Variants in CFAP77 observed in about 807,000 individuals in gnomAD.
The protein encoded by CFAP77 is cilia and flagella associated protein 77.
CFAP77 carries 25 observed loss-of-function variants against 31.1 expected under a neutral mutation model. The ratio of observed to expected loss-of-function variants is 0.80; its 90% CI spans 0.59 to 1.12. The LOEUF is 1.12. Ranked by LOEUF, CFAP77 falls within the 50% of genes most tolerant of loss-of-function variation. The probability of loss-of-function intolerance (pLI) is 0.00; values close to 1 mark genes in which losing one functional copy is unlikely to be tolerated. For missense variants in CFAP77, 377 were observed against 397.3 expected (o/e 0.95, Z 0.44); for synonymous variants, 151 against 159.9 (o/e 0.94, Z 0.42).
At chr9:132,434,032 G>C (rs1850462229) in intron 1 of CFAP77, among the ~76,000 whole-genome samples, 1 of 151,664 alleles carries the variant, frequency 6.6e-6, no homozygotes, top group Non-Finnish European at 1.5e-5. Context: ...CCAGCTACTT[G>C]GGAGGCTCAG....
At chr9:132,550,067 T>C (rs1377969185) in intron 5 of CFAP77, among the ~76,000 whole-genome samples, 1 of 152,144 alleles carries the variant, frequency 6.6e-6, no homozygotes, top group Admixed American at 6.5e-5. Flanking sequence ...AGAGCAGCAC[T>C]CAGAGTCTGG....
chr9:132,470,434 C>T (rs1851235538), intron 1 of CFAP77, among the ~76,000 whole-genome samples: 1 of 151,994 alleles, frequency 6.6e-6, no homozygotes, highest in African/African-American at 2.4e-5. Context: ...AGTCCTCAGC[C>T]CTAAGTGGCT....
intron 1 of CFAP77, among the ~76,000 whole-genome samples, chr9:132,470,763 C>T (rs1195007079): frequency 6.6e-6 from 1 of 152,208 alleles, no homozygotes; most frequent in East Asian, 1.9e-4. Flanking sequence ...AATCCCAGCA[C>T]TTTGGGATGC....
intron 1 of CFAP77, among the ~76,000 whole-genome samples, chr9:132,447,884 A>G (rs1177772794): frequency 6.6e-6 from 1 of 152,162 alleles, no homozygotes; most frequent in Non-Finnish European, 1.5e-5. Context: ...TGGAGGAAAG[A>G]CCTACTTAGG....
At chr9:132,486,969 C>CCAGGCAGGCGGCAGAGCG (rs1315989703) in intron 1 of CFAP77, among the ~76,000 whole-genome samples, 1 of 152,204 alleles carries the variant, frequency 6.6e-6, no homozygotes, top group Non-Finnish European at 1.5e-5. Flanking sequence ...GGAGCGGGGA[C>CCAGGCAGGCGGCAGAGCG]CAGGCAGGCG....
chr9:132,442,732 G>C (rs567136408), intron 1 of CFAP77, among the ~76,000 whole-genome samples: 7 of 151,388 alleles, frequency 4.6e-5, no homozygotes, highest in Middle Eastern at 3.4e-3. Context: ...TGTAGAGATG[G>C]GATCTTGCTA....
At chr9:132,442,249 T>G (rs1301596300) in intron 1 of CFAP77, among the ~76,000 whole-genome samples, 1 of 152,156 alleles carries the variant, frequency 6.6e-6, no homozygotes, top group Non-Finnish European at 1.5e-5. Context: ...CTGGCAAAAT[T>G]TATTCAATAA....
At chr9:132,486,202 C>T (rs1013575667) in intron 1 of CFAP77, among the ~76,000 whole-genome samples, 1 of 146,224 alleles carries the variant, frequency 6.8e-6, no homozygotes, top group African/African-American at 2.6e-5. Context: ...GTGCCGTTCT[C>T]CTGCCTCAGC....
intron 1 of CFAP77, among the ~76,000 whole-genome samples, chr9:132,425,123 C>T (rs867701301): frequency 2.6e-5 from 4 of 152,164 alleles, no homozygotes; most frequent in African/African-American, 4.8e-5. Flanking sequence ...ATGTTAGATT[C>T]GATTGAAGAT....
rs953970448 is a variant in CFAP77 at position 132,513,483 on chromosome 9, C to G, written c.524+13883C>G. On this transcript the variant is annotated intron_variant, in intron 3 of 5. Coordinates refer to ENST00000393216, the MANE Select transcript of CFAP77 (RefSeq NM_001282957.2). The stretch of plus-strand genomic sequence containing the variant: ...TGAGGACCCTCCCGAGGTTGGAGCA[C>G]GCATGCTTTCCACCCAGCGTGCCCA... The G allele has an allele frequency of 8.9e-6, 10 of 1,128,046 alleles. No individual in the cohort carries two copies. In the South Asian group the frequency reaches 1.8e-4, roughly 21 times the overall value. 69.9% of individuals were successfully genotyped at this position (1,128,046 alleles called of 1,614,324 possible). A position where few individuals can be genotyped will look rare whatever the true frequency, so the allele number is the denominator to read the frequency against.
At chr9:132,503,328 G>A (rs910745353) in intron 3 of CFAP77, among the ~76,000 whole-genome samples, 1 of 152,280 alleles carries the variant, frequency 6.6e-6, no homozygotes, top group South Asian at 2.1e-4. Flanking sequence ...CCCTGTTCCT[G>A]GTCCGTGCTG....
At chr9:132,567,772 C>T (rs1829903092) in intron 5 of CFAP77, among the ~76,000 whole-genome samples, 1 of 152,182 alleles carries the variant, frequency 6.6e-6, no homozygotes. Context: ...CTGCCTCCTC[C>T]AGCTCCTGTG....
At position 132,501,345 on chromosome 9, in the gene CFAP77, C is replaced by T. The variant is rs184294009; in HGVS notation, c.524+1745C>T. Among the ~76,000 whole-genome samples the T allele has an allele frequency of 1.1e-3, 162 of 152,170 alleles. No individual in the cohort carries two copies. Among genetic ancestry groups the T allele is most frequent in the African/African-American group, 3.2e-3 (134 of 41,490 alleles). On this transcript the variant is annotated intron_variant, in intron 3 of 5. Transcript: ENST00000393216. The surrounding 1 kb of genome is among the most constrained non-coding windows in gnomAD (Gnocchi z 4.6). ...CAGCCCAGTGCAAAGGGCGTTGGTG[C>T]TACAGACACCTTGAGTTCAAGACTC...
At position 132,480,803 on chromosome 9, in the gene CFAP77, G is replaced by C. The variant is rs1851431082; in HGVS notation, c.196-17892G>C. ...CCTGAGCACAGACTTCATGCAGGAA[G>C]GGGCCTGAAAGTTCCAGGAGCCGAA... On this transcript the variant is annotated intron_variant, in intron 1 of 5. Coordinates refer to ENST00000393216, the MANE Select transcript of CFAP77 (RefSeq NM_001282957.2). This position sits in a 1 kb window ranked among gnomAD's most constrained non-coding sequence, Gnocchi z 5.8. 6.6e-6 allele frequency among the ~76,000 whole-genome samples: 1 copy of C among 152,142 alleles called. No homozygotes were observed. Among genetic ancestry groups the C allele is most frequent in the South Asian group, 2.1e-4 (1 of 4,832 alleles).
intron 3 of CFAP77, among the ~76,000 whole-genome samples, chr9:132,530,228 A>G (rs1852418988): frequency 7.0e-6 from 1 of 143,740 alleles, no homozygotes; most frequent in Non-Finnish European, 1.5e-5. Flanking sequence ...GACTCTCAAC[A>G]TGGGGGGATT....
intron 1 of CFAP77, among the ~76,000 whole-genome samples, chr9:132,436,288 C>G (rs1850502346): frequency 6.6e-6 from 1 of 152,172 alleles, no homozygotes; most frequent in Non-Finnish European, 1.5e-5. Context: ...ATCTCTGCCT[C>G]TGTGGTCACG....
In CFAP77 at chr9:132,453,592, G is replaced by T. The variant is rs576249049; in HGVS notation, c.195+43126G>T. 7.2e-5 allele frequency among the ~76,000 whole-genome samples: 11 copies of T among 152,294 alleles called. No individual in the cohort carries two copies. In the East Asian group the frequency reaches 1.7e-3, roughly 24 times the overall value. On this transcript the variant is annotated intron_variant, in intron 1 of 5. Transcript: ENST00000393216. ...GGTGGAAGGAAATATATATCATGTT[G>T]GTTCCAATTGAAGCCAAAAGATTCA...
chr9:132,530,555 G>A (rs11243816), intron 3 of CFAP77, among the ~76,000 whole-genome samples: 10,738 of 152,238 alleles, frequency 0.071, 516 homozygotes, highest in South Asian at 0.13. Context: ...GATTACAGGC[G>A]TGAGCCATCA....
rs1192374200 is a variant in CFAP77, at chr9:132,498,092, C to T, written c.196-603C>T. 6.6e-6 allele frequency among the ~76,000 whole-genome samples: 1 copy of T among 152,072 alleles called. No individual in the cohort carries two copies. Among genetic ancestry groups the T allele is most frequent in the African/African-American group, 2.4e-5 (1 of 41,398 alleles). ...GACAGGGCAATTTCATTTGCACAAA[C>T]CACCTCTGAGAGGCCAAGGAGTTCC... On this transcript the variant is annotated intron_variant, in intron 1 of 5. Transcript: ENST00000393216. The surrounding 1 kb of genome is among the most constrained non-coding windows in gnomAD (Gnocchi z 4.2).
Sources: allele counts gnomAD v4.1 joint callset (sites outside exome capture counted in the v4.1 genomes callset), GRCh38; gene constraint gnomAD v4.1.1; non-coding constraint Gnocchi (gnomAD v3.1); transcripts MANE v1.5; gene names NCBI Gene and HGNC (gene_info 2026-07-23, HGNC 2026-07-21).